Variants in BRF1 observed in about 807,000 individuals in gnomAD.
The protein encoded by BRF1 is transcription factor IIIB 90 kDa subunit.
Under a neutral mutation model 81.7 loss-of-function variants are expected in BRF1, and 59 were observed. The observed-to-expected ratio is 0.72, with a 90% confidence interval of 0.59 to 0.90. The LOEUF is 0.90. Ranked by LOEUF, BRF1 falls within the 40% of genes least tolerant of loss-of-function variation. The probability of loss-of-function intolerance (pLI) is 0.00; values close to 1 mark genes in which losing one functional copy is unlikely to be tolerated. For missense variants in BRF1, 1,050 were observed against 936.3 expected, an observed-to-expected ratio of 1.12 and a Z score of -1.58; for synonymous variants, 491 against 395.6, an observed-to-expected ratio of 1.24 and a Z score of -2.86.
At chr14:105,218,608 G>A (rs1017743462) in intron 14 of BRF1, among the ~76,000 whole-genome samples, 1 of 152,234 alleles carries the variant, frequency 6.6e-6, no homozygotes, top group Non-Finnish European at 1.5e-5. Context: ...TAAGCTGGCA[G>A]AGCAAGTCAC....
chr14:105,303,535 G>T (rs58129451), upstream of BRF1, among the ~76,000 whole-genome samples: 1 of 152,206 alleles, frequency 6.6e-6, no homozygotes, highest in East Asian at 1.9e-4. Flanking sequence ...GAGCCATCGC[G>T]CCTGGCCTTT....
At chr14:105,273,406 C>A (rs2056744712) in intron 2 of BRF1, among the ~76,000 whole-genome samples, 1 of 152,264 alleles carries the variant, frequency 6.6e-6, no homozygotes, top group Admixed American at 6.5e-5. Flanking sequence ...AGCCAGCCAC[C>A]CGGCCTGAGA....
chr14:105,226,027 C>A, intron 10 of BRF1, 42 bp downstream of exon 10: 1 of 1,541,850 alleles, frequency 6.5e-7, no homozygotes, highest in Non-Finnish European at 8.9e-7. Context: ...GACTCTAGCA[C>A]ATTTTAAAGG....
chr14:105,255,032 G>T (rs2055801953), intron 4 of BRF1, among the ~76,000 whole-genome samples: 1 of 152,226 alleles, frequency 6.6e-6, no homozygotes, highest in African/African-American at 2.4e-5. Context: ...TCTGCCTGCA[G>T]ACTGCCCTCG....
At chr14:105,279,230 A>G (rs1220762193) in intron 2 of BRF1, among the ~76,000 whole-genome samples, 3 of 152,124 alleles carry the variant, frequency 2.0e-5, no homozygotes, top group African/African-American at 7.2e-5. Context: ...AAAATTCAGA[A>G]GTTTCTGTTC....
At chr14:105,249,784 C>T (rs1412384953) in intron 5 of BRF1, 2 of 1,613,876 alleles carry the variant, frequency 1.2e-6, no homozygotes, top group Middle Eastern at 1.7e-4. Context: ...ACGCCTGCGT[C>T]CTGCTGTCCC....
intron 3 of BRF1, among the ~76,000 whole-genome samples, chr14:105,270,406 A>ACCTCGTG (rs1343390550): frequency 6.6e-6 from 1 of 151,790 alleles, no homozygotes; most frequent in Non-Finnish European, 1.5e-5. Context: ...CGATCTCCTG[A>ACCTCGTG]CCTCGTGATC....
At chr14:105,221,476 C>T (rs1233197084) in intron 11 of BRF1, among the ~76,000 whole-genome samples, 172 bp downstream of exon 11, 4 of 152,226 alleles carry the variant, frequency 2.6e-5, no homozygotes, top group Admixed American at 6.5e-5. Context: ...GGACCACTGA[C>T]GCCCACACAG....
At chr14:105,250,440 G>A in intron 5 of BRF1, 1 of 1,614,022 alleles carries the variant, frequency 6.2e-7, no homozygotes, top group Non-Finnish European at 8.5e-7. Flanking sequence ...ATGTCAGACG[G>A]ATCCAGTAAC....
chr14:105,222,455 T>C (rs1336198859), intron 10 of BRF1: 2 of 152,310 alleles, frequency 1.3e-5, no homozygotes, highest in East Asian at 1.9e-4. Flanking sequence ...AATGAACATA[T>C]ACAAAGACCT....
chr14:105,241,758 C>G (rs587653368), intron 5 of BRF1: 2 of 327,028 alleles, frequency 6.1e-6, no homozygotes, highest in Admixed American at 4.0e-5. Flanking sequence ...CACGCAACAA[C>G]GGTCCGGGGA....
Position 105,315,109 on chromosome 14 carries a change from GC to G in BRF1, c.-162+212del, listed in dbSNP as rs2058512769. 5.2e-6 allele frequency: 5 copies of G among 954,964 alleles called. No homozygotes were observed. The highest frequency in any genetic ancestry group is 5.1e-6 in the Non-Finnish European group (4 of 788,884). The allele number at this position is 954,964 out of a possible 1,614,324, so 59.2% of individuals were successfully genotyped here. A position where few individuals can be genotyped will look rare whatever the true frequency, so the allele number is the denominator to read the frequency against. On this transcript the variant is annotated intron_variant, in intron 1 of 17. Transcript: ENST00000327359. The surrounding 1 kb of genome is among the most constrained non-coding windows in gnomAD (Gnocchi z 4.4). ...GGTGTCCTGGCCGCGGCCTCTGCGC[GC>G]CCCATCCCCGGCCCGGGTCCCCCAG...
Position 105,226,110 on chromosome 14 carries a change from C to T in BRF1, c.1007G>A (p.Arg336Gln), listed in dbSNP as rs925890336. The stretch of plus-strand genomic sequence containing the variant: ...GGCCAGGCCCCCCTTGGCCTTTGGC[C>T]GGCTGTTTTCTAGTTCAATCTCAAT... ...DAIEIELENS[R>Q]PKAKGGLASL... The change falls in exon 10 of 18, where the codon CGG (arginine) becomes CAG (glutamine). Residue 336 changes from arginine (R) to glutamine (Q), a missense_variant. Coordinates refer to ENST00000547530, the MANE Select transcript of BRF1 (RefSeq NM_001519.4). 1.8e-5 allele frequency: 29 copies of T among 1,613,770 alleles called. No homozygotes were observed. Among genetic ancestry groups the T allele is most frequent in the African/African-American group, 5.3e-5 (4 of 74,928 alleles).
intron 2 of BRF1, among the ~76,000 whole-genome samples, chr14:105,283,029 G>C (rs2057172293): frequency 6.6e-6 from 1 of 152,100 alleles, no homozygotes; most frequent in African/African-American, 2.4e-5. Flanking sequence ...AGTTATAATG[G>C]GCCAAAATCC....
upstream of BRF1, among the ~76,000 whole-genome samples, chr14:105,302,568 G>GT (rs2058072698): frequency 6.6e-6 from 1 of 151,540 alleles, no homozygotes; most frequent in Non-Finnish European, 1.5e-5. Flanking sequence ...GGTTCAATGT[G>GT]TTCCCTTTTT....
chr14:105,290,321 A>T (rs1043808017), intron 1 of BRF1, among the ~76,000 whole-genome samples: 5 of 152,266 alleles, frequency 3.3e-5, no homozygotes, highest in Admixed American at 6.5e-5. Context: ...CAGGAGGCTG[A>T]AGCGGGAGAA....
chr14:105,265,192 T>C (rs1013051935), intron 3 of BRF1, among the ~76,000 whole-genome samples: 1 of 151,986 alleles, frequency 6.6e-6, no homozygotes, highest in Non-Finnish European at 1.5e-5. Flanking sequence ...TGCCTCAGCC[T>C]CCTGAGTAGC....
At chr14:105,314,305 T>G (rs957419894) in intron 1 of BRF1, 2 of 138,128 alleles carry the variant, frequency 1.4e-5, no homozygotes, top group Non-Finnish European at 1.6e-5. Flanking sequence ...CATGGCGGGG[T>G]GGAGGCGGGA....
intron 1 of BRF1, among the ~76,000 whole-genome samples, chr14:105,289,970 T>G (rs1248227294): frequency 6.6e-6 from 1 of 152,164 alleles, no homozygotes; most frequent in Non-Finnish European, 1.5e-5. Context: ...AGATCACCAT[T>G]CTGTGTAGCC....
Sources: allele counts gnomAD v4.1 joint callset (sites outside exome capture counted in the v4.1 genomes callset), GRCh38; gene constraint gnomAD v4.1.1; non-coding constraint Gnocchi (gnomAD v3.1); transcripts MANE v1.5; gene names NCBI Gene and HGNC (gene_info 2026-07-23, HGNC 2026-07-21).